Variants in TFEC observed in about 807,000 individuals in gnomAD.
The protein encoded by TFEC is transcription factor EC, also known as class E basic helix-loop-helix protein 34.
A neutral mutation model predicts 41.6 loss-of-function variants in TFEC; 31 were observed. That is an observed-to-expected ratio of 0.74 (90% CI 0.56 to 1.01). TFEC has a LOEUF of 1.01. Among genes scored for constraint, TFEC ranks in the 50% least tolerant of loss-of-function variants. The pLI is 0.00. For missense variants in TFEC, 402 were observed against 404.1 expected (o/e 0.99, Z 0.04); for synonymous variants, 143 against 140.6 (o/e 1.02, Z -0.12).
chr7:115,950,979 C>T lies in TFEC; in HGVS notation c.440-30G>A, dbSNP rs774707508. On this transcript the variant is annotated intron_variant, in intron 5 of 7. Coordinates refer to ENST00000265440, the MANE Select transcript of TFEC (RefSeq NM_012252.4). ...TAAAGAAGAAATATTATTGATTATT[C>T]TCATTAATGCACAGTTCACTTTTGG... 2.5e-5 allele frequency: 35 copies of T among 1,377,334 alleles called. No homozygotes were observed. The African/African-American group carries it at 4.4e-4, about 17-fold the overall frequency. 85.3% of individuals were successfully genotyped at this position (1,377,334 alleles called of 1,614,324 possible).
intron 2 of TFEC, among the ~76,000 whole-genome samples, chr7:115,977,468 T>C (rs909699894): frequency 1.3e-5 from 2 of 152,030 alleles, no homozygotes; most frequent in East Asian, 3.9e-4. Flanking sequence ...ATATTAAAGG[T>C]AAAGAACTTT....
chr7:115,945,759 C>T (rs1249099799), intron 6 of TFEC, among the ~76,000 whole-genome samples: 3 of 151,634 alleles, frequency 2.0e-5, no homozygotes, highest in African/African-American at 4.8e-5. Context: ...GCAGTTTTCC[C>T]AATTCTGGTC....
chr7:115,964,468 T>C (rs1317207797), intron 3 of TFEC, among the ~76,000 whole-genome samples: 5 of 151,628 alleles, frequency 3.3e-5, no homozygotes, highest in African/African-American at 1.2e-4. Flanking sequence ...ATTATAAATA[T>C]TCAGCAAAAT....
At chr7:116,016,102 C>T (rs1795180222) in intron 1 of TFEC, among the ~76,000 whole-genome samples, 1 of 152,160 alleles carries the variant, frequency 6.6e-6, no homozygotes, top group Non-Finnish European at 1.5e-5. Flanking sequence ...CAAGACAGAA[C>T]ACCATCACAA....
At chr7:116,004,596 A>G (rs1794718031) in intron 1 of TFEC, among the ~76,000 whole-genome samples, 1 of 152,204 alleles carries the variant, frequency 6.6e-6, no homozygotes, top group South Asian at 2.1e-4. Context: ...CAATTTTGCT[A>G]TGAATCTAAA....
chr7:116,094,716 A>C (rs993288296), intron 3 of TFEC, among the ~76,000 whole-genome samples: 2 of 151,584 alleles, frequency 1.3e-5, no homozygotes, highest in South Asian at 2.1e-4. Flanking sequence ...AACAAACAAA[A>C]AACAACAACA....
At chr7:116,028,528 G>A (rs1260892817) in intron 1 of TFEC, among the ~76,000 whole-genome samples, 2 of 152,160 alleles carry the variant, frequency 1.3e-5, no homozygotes, top group African/African-American at 2.4e-5. Context: ...AGTAAAATCT[G>A]TGCAGGAACC....
intron 1 of TFEC, among the ~76,000 whole-genome samples, chr7:116,009,381 T>C (rs1188779102): frequency 6.6e-6 from 1 of 152,144 alleles, no homozygotes; most frequent in Non-Finnish European, 1.5e-5. Context: ...AATAAGTTAA[T>C]GTGAAACATT....
chr7:115,994,422 C>A (rs1450092640), intron 1 of TFEC, among the ~76,000 whole-genome samples: 1 of 152,124 alleles, frequency 6.6e-6, no homozygotes, highest in Non-Finnish European at 1.5e-5. Flanking sequence ...AACAGGCAAC[C>A]TACAGAATGG....
intron 1 of TFEC, among the ~76,000 whole-genome samples, chr7:116,013,729 C>T (rs1476097124): frequency 6.6e-6 from 1 of 151,994 alleles, no homozygotes; most frequent in Non-Finnish European, 1.5e-5. Context: ...GTCCTCATTA[C>T]TAGGGGAAAA....
chr7:115,988,866 A>T (rs1793975796), intron 1 of TFEC, among the ~76,000 whole-genome samples: 1 of 152,080 alleles, frequency 6.6e-6, no homozygotes, highest in Non-Finnish European at 1.5e-5. Context: ...CTAGAAGAAA[A>T]AGCACCCTAC....
intron 2 of TFEC, among the ~76,000 whole-genome samples, chr7:115,981,102 G>A (rs1426969800): frequency 6.6e-6 from 1 of 151,968 alleles, no homozygotes. Flanking sequence ...TAAGTTCCCA[G>A]ATCTGCATTT....
intron 1 of TFEC, chr7:116,157,281 CTT>C (rs1798889346): frequency 6.6e-6 from 1 of 151,564 alleles, no homozygotes; most frequent in Non-Finnish European, 1.5e-5. Flanking sequence ...TTCTCTTTTC[CTT>C]TGTCTTCCTT....
intron 1 of TFEC, among the ~76,000 whole-genome samples, chr7:116,030,131 A>C (rs1562943109): frequency 6.6e-6 from 1 of 152,188 alleles, no homozygotes; most frequent in Non-Finnish European, 1.5e-5. Context: ...CCACATCTAC[A>C]TAAAAATAGG....
chr7:116,050,096 G>A (rs868423570), intron 3 of TFEC, among the ~76,000 whole-genome samples: 26 of 151,966 alleles, frequency 1.7e-4, no homozygotes, highest in African/African-American at 4.4e-4. Flanking sequence ...AAACACATTC[G>A]AAAGCCAGCA....
At chr7:115,946,055 A>G (rs1468531995) in intron 6 of TFEC, among the ~76,000 whole-genome samples, 2 of 151,784 alleles carry the variant, frequency 1.3e-5, no homozygotes, top group Admixed American at 1.3e-4. Flanking sequence ...TAAAGTTTTT[A>G]TTAAAATTTG....
chr7:116,128,473 T>C (rs59939696), intron 1 of TFEC, among the ~76,000 whole-genome samples: 4,345 of 152,290 alleles, frequency 0.029, 72 homozygotes, highest in Middle Eastern at 0.041. Context: ...GTGTGGTTTA[T>C]ATGAAACAAT....
chr7:116,054,991 A>G (rs537169687), intron 3 of TFEC, among the ~76,000 whole-genome samples: 1 of 152,264 alleles, frequency 6.6e-6, no homozygotes, highest in South Asian at 2.1e-4. Context: ...ATATGAATGC[A>G]TATGGCATTT....
chr7:116,122,344 T>C (rs1798125053), intron 1 of TFEC, among the ~76,000 whole-genome samples: 1 of 152,090 alleles, frequency 6.6e-6, no homozygotes, highest in African/African-American at 2.4e-5. Context: ...AAAAAGCATT[T>C]TCCTATGGAG....
Sources: allele counts gnomAD v4.1 joint callset (sites outside exome capture counted in the v4.1 genomes callset), GRCh38; gene constraint gnomAD v4.1.1; transcripts MANE v1.5; gene names NCBI Gene and HGNC (gene_info 2026-07-23, HGNC 2026-07-21).